NRG1: variants seen among roughly 807,000 people sequenced by gnomAD.
NRG1 encodes the protein pro-neuregulin-1, membrane-bound isoform.
In NRG1, 18 loss-of-function variants were observed where a neutral mutation model predicts 63.8. The observed-to-expected ratio is 0.28, with a 90% CI of 0.19 to 0.42. The LOEUF is 0.42. Among genes scored for constraint, NRG1 ranks in the 10% least tolerant of loss-of-function variants. The pLI is 1.00. For synonymous variants in NRG1, 302 were observed against 301.3 expected (o/e 1.00, Z -0.02); for missense variants, 762 against 814.7 (o/e 0.94, Z 0.79).
chr8:32,571,017 A>G (rs1014220538), intron 1 of NRG1, among the ~76,000 whole-genome samples: 1 of 152,224 alleles, frequency 6.6e-6, no homozygotes, highest in East Asian at 1.9e-4. Context: ...GGCAACATGT[A>G]TATAGATGTC....
In NRG1 at chr8:31,640,010, G is replaced by T; in HGVS notation, c.37+579G>T. The T allele has an allele frequency of 8.9e-7, 1 of 1,129,492 alleles. No individual in the cohort carries two copies. The highest frequency in any genetic ancestry group is 1.1e-6 in the Non-Finnish European group (1 of 924,228). The allele number at this position is 1,129,492 out of a possible 1,614,324, so 70.0% of individuals were successfully genotyped here. On this transcript the variant is annotated intron_variant, in intron 1 of 10. Coordinates refer to the NRG1 transcript ENST00000519301. This position sits in a 1 kb window ranked among gnomAD's most constrained non-coding sequence, Gnocchi z 6.3. ...ATGAGATGGCGACGCGCCCCGCGCCGCTCCGGGCGTCCCGGCCCCCGGGCC... is the reference window on the plus strand; with the variant it reads ...ATGAGATGGCGACGCGCCCCGCGCCTCTCCGGGCGTCCCGGCCCCCGGGCC...
At chr8:32,536,276 T>C (rs569316258) in intron 1 of NRG1, among the ~76,000 whole-genome samples, 3 of 152,204 alleles carry the variant, frequency 2.0e-5, no homozygotes, top group East Asian at 1.9e-4. Flanking sequence ...GTTGTAGCTG[T>C]AGGACTGAAG....
At chr8:32,481,648 C>T (rs530730226) in intron 1 of NRG1, among the ~76,000 whole-genome samples, 6 of 152,352 alleles carry the variant, frequency 3.9e-5, no homozygotes, top group East Asian at 3.9e-4. Flanking sequence ...AGTCATTTAA[C>T]ATCTCTGCCT....
At chr8:32,678,370 C>G (rs1326619844) in intron 5 of NRG1, among the ~76,000 whole-genome samples, 1 of 152,096 alleles carries the variant, frequency 6.6e-6, no homozygotes, top group Non-Finnish European at 1.5e-5. Context: ...ATGTAAATGT[C>G]ATCTGTGATC....
chr8:31,746,267 G>A (rs996885145), intron 1 of NRG1, among the ~76,000 whole-genome samples: 1 of 151,946 alleles, frequency 6.6e-6, no homozygotes. Flanking sequence ...AAGCCTCTCA[G>A]CATAACTGCT....
chr8:32,231,121 A>C (rs959293032), intron 1 of NRG1, among the ~76,000 whole-genome samples: 2 of 152,128 alleles, frequency 1.3e-5, no homozygotes, highest in African/African-American at 4.8e-5. Context: ...GGGTCAGAAG[A>C]AGCAAAGGAA....
intron 5 of NRG1, among the ~76,000 whole-genome samples, chr8:32,640,409 AC>A (rs1852138869): frequency 6.6e-6 from 1 of 152,122 alleles, no homozygotes; most frequent in South Asian, 2.1e-4. Flanking sequence ...CATTTGCTTA[AC>A]AATGTCTGCT....
intron 1 of NRG1, among the ~76,000 whole-genome samples, chr8:32,143,283 G>A (rs1389781927): frequency 6.6e-6 from 1 of 151,994 alleles, no homozygotes; most frequent in Non-Finnish European, 1.5e-5. Context: ...AATATTCCTG[G>A]ATGTTTCACT....
intron 1 of NRG1, among the ~76,000 whole-genome samples, chr8:32,446,816 T>C (rs979209181): frequency 1.3e-5 from 2 of 152,034 alleles, no homozygotes; most frequent in African/African-American, 4.8e-5. Context: ...AATAAAAGGC[T>C]TAAGAGGATT....
chr8:31,695,499 G>C (rs1469329171), intron 1 of NRG1, among the ~76,000 whole-genome samples: 1 of 152,068 alleles, frequency 6.6e-6, no homozygotes, highest in Non-Finnish European at 1.5e-5. Context: ...TAAATAACCA[G>C]ATCTCATGAG....
intron 1 of NRG1, among the ~76,000 whole-genome samples, chr8:31,945,886 C>G (rs1802465404): frequency 6.6e-6 from 1 of 152,196 alleles, no homozygotes; most frequent in African/African-American, 2.4e-5. Context: ...CTCCAGCTGA[C>G]TATCATCTGC....
intron 1 of NRG1, among the ~76,000 whole-genome samples, chr8:32,352,987 GT>G (rs1805838603): frequency 2.0e-5 from 3 of 149,998 alleles, no homozygotes; most frequent in African/African-American, 7.3e-5. Flanking sequence ...CAGAGAGAGA[GT>G]AAAGATCTCA....
At chr8:31,919,624 A>T (rs537185296) in intron 1 of NRG1, among the ~76,000 whole-genome samples, 113 of 152,274 alleles carry the variant, frequency 7.4e-4, no homozygotes, top group Non-Finnish European at 1.1e-3. Context: ...TTCAGATAAC[A>T]CAGGGATGAC....
chr8:32,755,588 T>C (rs1469561050), intron 8 of NRG1, among the ~76,000 whole-genome samples: 2 of 152,140 alleles, frequency 1.3e-5, no homozygotes, highest in Non-Finnish European at 1.5e-5. Flanking sequence ...CATGTTACGA[T>C]TGTGCCAAAA....
intron 1 of NRG1, among the ~76,000 whole-genome samples, chr8:31,831,723 G>A (rs1380105835): frequency 6.6e-6 from 1 of 152,124 alleles, no homozygotes; most frequent in Admixed American, 6.5e-5. Flanking sequence ...AGACTTAGAA[G>A]AGGATAGTTG....
At chr8:31,809,844 T>C (rs1475707710) in intron 1 of NRG1, among the ~76,000 whole-genome samples, 1 of 151,482 alleles carries the variant, frequency 6.6e-6, no homozygotes, top group African/African-American at 2.4e-5. Flanking sequence ...TTTAGAATTT[T>C]TTTTTTTTTT....
intron 1 of NRG1, among the ~76,000 whole-genome samples, chr8:31,700,558 T>A (rs964879859): frequency 1.3e-5 from 2 of 152,160 alleles, no homozygotes; most frequent in African/African-American, 4.8e-5. Context: ...TATTGAGGCA[T>A]CTTAATGAGA....
chr8:31,657,964 G>A (rs563545599), intron 1 of NRG1, among the ~76,000 whole-genome samples: 4 of 152,258 alleles, frequency 2.6e-5, no homozygotes, highest in South Asian at 2.1e-4. Flanking sequence ...CTCTGCCAAC[G>A]TGGGTACCTG....
chr8:31,903,687 G>A (rs1832290145), intron 1 of NRG1, among the ~76,000 whole-genome samples: 1 of 152,146 alleles, frequency 6.6e-6, no homozygotes. Flanking sequence ...AGGCATGGTG[G>A]ATCACGCGTG....
Sources: gnomAD v4.1 joint callset for allele counts (sites outside exome capture counted in the v4.1 genomes callset) on GRCh38, gnomAD v4.1.1 for gene constraint, Gnocchi (gnomAD v3.1) non-coding constraint, MANE v1.5 for transcripts, NCBI Gene and HGNC (gene_info 2026-07-23, HGNC 2026-07-21) for gene names.